CNTNAP5: variants seen among roughly 807,000 people sequenced by gnomAD.
CNTNAP5 encodes the protein contactin-associated protein-like 5.
A neutral mutation model predicts 150.2 loss-of-function variants in CNTNAP5; 72 were observed. That is an observed-to-expected ratio of 0.48 (90% CI 0.40 to 0.58). The LOEUF (loss-of-function observed/expected upper bound fraction) is 0.58. Among genes scored for constraint, CNTNAP5 ranks in the 20% least tolerant of loss-of-function variants. CNTNAP5 has a pLI of 0.00. For missense variants in CNTNAP5, 1,636 were observed against 1,626.2 expected, an observed-to-expected ratio of 1.01 and a Z score of -0.10; for synonymous variants, 672 against 619.8, an observed-to-expected ratio of 1.08 and a Z score of -1.25.
intron 6 of CNTNAP5, among the ~76,000 whole-genome samples, chr2:124,460,126 CA>C (rs1481128498): frequency 6.6e-6 from 1 of 152,086 alleles, no homozygotes; most frequent in African/African-American, 2.4e-5. Context: ...AGGTGCAATG[CA>C]GTGTAAACAG....
intron 3 of CNTNAP5, among the ~76,000 whole-genome samples, chr2:124,355,772 G>T (rs1689982880): frequency 6.6e-6 from 1 of 152,112 alleles, no homozygotes; most frequent in Non-Finnish European, 1.5e-5. Context: ...AACATAGAAA[G>T]GAAAGTTGGA....
chr2:124,128,425 G>C (rs1273211801), intron 1 of CNTNAP5, among the ~76,000 whole-genome samples: 1 of 152,128 alleles, frequency 6.6e-6, no homozygotes, highest in African/African-American at 2.4e-5. Flanking sequence ...ATGCTGGAGA[G>C]GATATGGAGA....
intron 1 of CNTNAP5, among the ~76,000 whole-genome samples, chr2:124,076,694 G>T (rs1046282083): frequency 2.0e-5 from 3 of 152,074 alleles, no homozygotes; most frequent in Admixed American, 1.3e-4. Flanking sequence ...CCCTGTTTTG[G>T]AAAGGCAAGA....
At chr2:124,181,785 T>C (rs1197884648) in intron 1 of CNTNAP5, among the ~76,000 whole-genome samples, 1 of 152,198 alleles carries the variant, frequency 6.6e-6, no homozygotes, top group Non-Finnish European at 1.5e-5. Context: ...ATAAATGCGC[T>C]CTGAGATGTA....
chr2:124,489,202 C>G (rs553199761), intron 7 of CNTNAP5, among the ~76,000 whole-genome samples: 1 of 152,208 alleles, frequency 6.6e-6, no homozygotes, highest in Non-Finnish European at 1.5e-5. Flanking sequence ...TTAGTCTGCT[C>G]TCACTGCCAA....
At chr2:124,477,402 C>G (rs537373112) in intron 7 of CNTNAP5, among the ~76,000 whole-genome samples, 3 of 152,170 alleles carry the variant, frequency 2.0e-5, no homozygotes, top group Admixed American at 1.3e-4. Flanking sequence ...GCAGAGGATG[C>G]TCATGGGGAA....
At chr2:124,411,354 G>A (rs1170029877) in intron 3 of CNTNAP5, among the ~76,000 whole-genome samples, 1 of 152,076 alleles carries the variant, frequency 6.6e-6, no homozygotes, top group Non-Finnish European at 1.5e-5. Flanking sequence ...TAGAAAAAGA[G>A]GGTATCCTCC....
Position 124,172,839 on chromosome 2 carries a change from G to A in CNTNAP5, c.83-48866G>A, listed in dbSNP as rs113838176. 8.1e-3 allele frequency among the ~76,000 whole-genome samples: 1,237 copies of A among 152,032 alleles called. 14 individuals carry two copies. The highest frequency in any genetic ancestry group is 0.028 in the African/African-American group (1,174 of 41,426). ...TGTGTGTGCATAAATTGTTTGCACA[G>A]TAATATATACAGGGCACCTCACTTT... On this transcript the variant is annotated intron_variant, in intron 1 of 23. Coordinates refer to ENST00000682447, the MANE Select transcript of CNTNAP5 (RefSeq NM_001367498.1).
intron 3 of CNTNAP5, among the ~76,000 whole-genome samples, chr2:124,379,467 T>A (rs1206419986): frequency 1.3e-5 from 2 of 152,172 alleles, no homozygotes. Context: ...ATTTCCTCCA[T>A]GTCTTTTCAT....
chr2:124,260,048 C>T (rs957732952), intron 3 of CNTNAP5, among the ~76,000 whole-genome samples: 1 of 152,124 alleles, frequency 6.6e-6, no homozygotes, highest in African/African-American at 2.4e-5. Flanking sequence ...AAAAAAGAGC[C>T]CGCATTGCCA....
chr2:124,525,818 C>T (rs958531846), intron 9 of CNTNAP5, among the ~76,000 whole-genome samples: 3 of 152,086 alleles, frequency 2.0e-5, no homozygotes, highest in African/African-American at 7.2e-5. Context: ...GGTAATATCC[C>T]CACTTAATAG....
chr2:124,314,298 A>G (rs1029901365), intron 3 of CNTNAP5, among the ~76,000 whole-genome samples: 1 of 152,180 alleles, frequency 6.6e-6, no homozygotes, highest in Admixed American at 6.5e-5. Context: ...CTTCAGGGGT[A>G]AAGGAAACAT....
At chr2:124,756,222 A>G (rs1255247430) in intron 14 of CNTNAP5, among the ~76,000 whole-genome samples, 1 of 152,230 alleles carries the variant, frequency 6.6e-6, no homozygotes, top group African/African-American at 2.4e-5. Flanking sequence ...ATGAGATACC[A>G]TCTTATACCA....
chr2:124,095,323 A>G (rs895817904), intron 1 of CNTNAP5, among the ~76,000 whole-genome samples: 4 of 152,184 alleles, frequency 2.6e-5, no homozygotes, highest in African/African-American at 9.7e-5. Flanking sequence ...GGAGGGAAAC[A>G]TCACACACTG....
Position 124,571,521 on chromosome 2 carries a change from T to TTTTTTCTTTTTCTTTTTCTCTTTTTTTTC in CNTNAP5, c.1756+8209_1756+8210insCTTTTTCTCTTTTTTTTCTTTTTCTTTTT, listed in dbSNP as rs1253038799. ...GTATCCCACTGAGTACTTTTTTTTC[T>TTTTTTCTTTTTCTTTTTCTCTTTTTTTTC]TTTTTCTTTTTTTTTTTTTTTTTTT... is the stretch of plus-strand genomic sequence containing the variant. On this transcript the variant is annotated intron_variant, in intron 11 of 23. Coordinates refer to ENST00000682447, the MANE Select transcript of CNTNAP5 (RefSeq NM_001367498.1). Among the ~76,000 whole-genome samples, 36 of 72,630 alleles carry TTTTTTCTTTTTCTTTTTCTCTTTTTTTTC rather than the reference T, an allele frequency of 5.0e-4. 2 individuals are homozygous for TTTTTTCTTTTTCTTTTTCTCTTTTTTTTC. Among genetic ancestry groups the TTTTTTCTTTTTCTTTTTCTCTTTTTTTTC allele is most frequent in the African/African-American group, 1.6e-3 (35 of 21,292 alleles). The allele number at this position is 72,630 out of a possible 152,430, so 47.6% of individuals were successfully genotyped here.
chr2:124,568,925 G>C (rs1696091547), intron 11 of CNTNAP5, among the ~76,000 whole-genome samples: 1 of 152,190 alleles, frequency 6.6e-6, no homozygotes, highest in African/African-American at 2.4e-5. Flanking sequence ...GCGGACGCCT[G>C]TAGTCCCAGC....
At position 124,660,280 on chromosome 2, in the gene CNTNAP5, C is replaced by T. The variant is rs530618249; in HGVS notation, c.2077+12322C>T. On this transcript the variant is annotated intron_variant, in intron 13 of 23. Transcript: ENST00000682447. Reference sequence around the variant, plus strand: ...GAGGCTAGGTAGGCATCTATCTTAGCGGTCTAGGGAAGAGTTAAAAAGCAT... The same window carrying T: ...GAGGCTAGGTAGGCATCTATCTTAGTGGTCTAGGGAAGAGTTAAAAAGCAT... Among the ~76,000 whole-genome samples, 6 of 152,042 alleles carry T rather than the reference C, an allele frequency of 3.9e-5. No homozygotes were observed. The East Asian group carries it at 7.8e-4, about 20-fold the overall frequency.
At chr2:124,477,651 A>G (rs959363656) in intron 7 of CNTNAP5, among the ~76,000 whole-genome samples, 2 of 128,076 alleles carry the variant, frequency 1.6e-5, no homozygotes, top group Non-Finnish European at 3.3e-5. Context: ...TGGCTTGCTC[A>G]TGACATTTTT....
At chr2:124,617,988 C>A (rs977056501) in intron 12 of CNTNAP5, among the ~76,000 whole-genome samples, 1 of 152,078 alleles carries the variant, frequency 6.6e-6, no homozygotes, top group Non-Finnish European at 1.5e-5. Context: ...ACCAGCATCC[C>A]TAGAACCTGC....
Sources: allele counts gnomAD v4.1 joint callset (sites outside exome capture counted in the v4.1 genomes callset), GRCh38; gene constraint gnomAD v4.1.1; transcripts MANE v1.5; gene names NCBI Gene and HGNC (gene_info 2026-07-23, HGNC 2026-07-21).